The following BICRA variants were observed in gnomAD, a reference collection of about 807,000 sequenced individuals.
BICRA encodes the protein BRD4 interacting chromatin remodeling complex associated protein.
In BICRA, 31 loss-of-function variants were observed where a neutral mutation model predicts 96.9. The observed-to-expected ratio is 0.32, with a 90% CI of 0.24 to 0.43. BICRA has a LOEUF of 0.43. Among genes scored for constraint, BICRA ranks in the 20% least tolerant of loss-of-function variants. The probability of loss-of-function intolerance (pLI) is 1.00; values close to 1 mark genes in which losing one functional copy is unlikely to be tolerated. For missense variants in BICRA, 2,283 were observed against 2,190.3 expected (o/e 1.04, Z -0.84); for synonymous variants, 1,350 against 1,071.8 (o/e 1.26, Z -5.07).
chr19:47,694,561 C>T lies in BICRA; in HGVS notation c.2730C>T (p.Phe910=). 6.2e-7 allele frequency: 1 copy of T among 1,609,590 alleles called. No individual in the cohort carries two copies. The highest frequency in any genetic ancestry group is 8.5e-7 in the Non-Finnish European group (1 of 1,177,934). Residue 910 remains phenylalanine, a synonymous_variant, in exon 8 of 15, where the codon TTC becomes TTT. Transcript: ENST00000594866. ...APTPSDFQLQ[F]PPSQGPHKSP... Reference sequence around the variant, plus strand: ...CGCCATCCGACTTCCAGCTCCAGTTCCCACCCAGCCAGGGGCCCCACAAGT... The same window carrying T: ...CGCCATCCGACTTCCAGCTCCAGTTTCCACCCAGCCAGGGGCCCCACAAGT...
Position 47,696,505 on chromosome 19 carries a change from G to T in BICRA, c.3241G>T (p.Glu1081Ter). The T allele has an allele frequency of 6.2e-7, 1 of 1,602,614 alleles. No individual in the cohort carries two copies. The highest frequency in any genetic ancestry group is 2.3e-5 in the East Asian group (1 of 44,376). ...KKPPTLQPSKEACFLEHLHKH... is the reference protein window; with the variant it reads ...KKPPTLQPSK ...GCCCCCCACGCTTCAGCCCAGCAAG[G>T]AAGCCTGGTGAGTCCACACCCCATC... The change falls in exon 11 of 15, where the codon GAA becomes TAA. Residue 1081 changes from glutamate to a stop codon, truncating the protein, a stop_gained. Transcript: ENST00000594866. LOFTEE classifies it high-confidence loss of function.
In BICRA at chr19:47,675,788, T is replaced by C. The variant is rs1016168367; in HGVS notation, c.85-63T>C. On this transcript the variant is annotated intron_variant, in intron 4 of 14. Transcript: ENST00000594866. This position sits in a 1 kb window ranked among gnomAD's most constrained non-coding sequence, Gnocchi z 4.7. ...TCCTGAGTGACCCTAAATTGGTTTCTGCTCCAGAGCATGGGCCTGCCCTGC... is the reference window on the plus strand; with the variant it reads ...TCCTGAGTGACCCTAAATTGGTTTCCGCTCCAGAGCATGGGCCTGCCCTGC... 2.2e-5 allele frequency: 29 copies of C among 1,329,950 alleles called. No homozygotes were observed. The Admixed American group carries it at 5.5e-4, about 25-fold the overall frequency. The allele number at this position is 1,329,950 out of a possible 1,614,324, so 82.4% of individuals were successfully genotyped here.
intron 1 of BICRA, among the ~76,000 whole-genome samples, chr19:47,629,775 A>C (rs1972193925): frequency 6.6e-6 from 1 of 152,098 alleles, no homozygotes; most frequent in Admixed American, 6.5e-5. Flanking sequence ...CCTCTGCCTC[A>C]GCTTCCTGAG....
Position 47,695,009 on chromosome 19 carries a change from G to C in BICRA, c.3005G>C (p.Ser1002Thr), listed in dbSNP as rs753881518. 287 of 1,529,244 alleles carry C rather than the reference G, an allele frequency of 1.9e-4. No individual in the cohort carries two copies. The highest frequency in any genetic ancestry group is 2.4e-4 in the Non-Finnish European group (279 of 1,149,256). 94.7% of individuals were successfully genotyped at this position (1,529,244 alleles called of 1,614,324 possible). Residue 1002 changes from serine (S) to threonine (T), a missense_variant, in exon 9 of 15, where the codon AGT becomes ACT. Transcript: ENST00000594866. ...LTSPAASVLV[S>T]GQAPSGTPTA... ...AGCCCCGCTGCGTCTGTGCTGGTCA[G>C]TGGGCAGGCCCCATCTGGGACCCCC...
At chr19:47,643,114 C>T (rs772105119) in intron 1 of BICRA, among the ~76,000 whole-genome samples, 35 of 152,320 alleles carry the variant, frequency 2.3e-4, no homozygotes, top group Non-Finnish European at 4.6e-4. Context: ...AGATTACAGG[C>T]GCCCTCCACC....
intron 7 of BICRA, among the ~76,000 whole-genome samples, chr19:47,683,868 G>T (rs758970508): frequency 5.3e-5 from 8 of 152,284 alleles, no homozygotes; most frequent in Middle Eastern, 3.4e-3. Context: ...ATAGGCGTGA[G>T]CCACCGCACC....
rs116452642 is a variant in BICRA at position 47,671,189 on chromosome 19, C to T, written c.-6+645C>T. On this transcript the variant is annotated intron_variant, in intron 2 of 14. Coordinates refer to ENST00000594866, the MANE Select transcript of BICRA (RefSeq NM_001394372.1). ...TATGCCCCAGCCCACTGTGGGGGGTCCCTGGTCAGGGCTCTTCATAATGTC... is the reference window on the plus strand; with the variant it reads ...TATGCCCCAGCCCACTGTGGGGGGTTCCTGGTCAGGGCTCTTCATAATGTC... 6.5e-3 allele frequency among the ~76,000 whole-genome samples: 987 copies of T among 152,312 alleles called. 6 individuals carry two copies. The highest frequency in any genetic ancestry group is 0.022 in the African/African-American group (935 of 41,556).
intron 1 of BICRA, among the ~76,000 whole-genome samples, chr19:47,650,838 G>A (rs899761289): frequency 6.6e-6 from 1 of 152,172 alleles, no homozygotes; most frequent in African/African-American, 2.4e-5. Context: ...GAGCATGTGT[G>A]AGGGCTTGTG....
intron 11 of BICRA, 121 bp downstream of exon 11, chr19:47,696,633 T>C: frequency 1.2e-6 from 1 of 833,404 alleles, no homozygotes. Context: ...GCTCCACCTC[T>C]TGGTAGCGAT....
At chr19:47,630,163 T>TC (rs1158656697) in intron 1 of BICRA, among the ~76,000 whole-genome samples, 1 of 144,296 alleles carries the variant, frequency 6.9e-6, no homozygotes, top group East Asian at 2.0e-4. Context: ...CCAATTCTTT[T>TC]TTTTTTTTTT....
chr19:47,703,258 A>C lies in BICRA; in HGVS notation c.*843A>C, dbSNP rs1419964340. The C allele has an allele frequency of 6.6e-6, 1 of 152,288 alleles. No homozygotes were observed. The highest frequency in any genetic ancestry group is 1.5e-5 in the Non-Finnish European group (1 of 67,996). 9.4% of individuals were successfully genotyped at this position (152,288 alleles called of 1,614,324 possible). ...TAGAACTCTTGTAAATTAAAAACCG[A>C]TCCTTTTTTTAAAACTGTACTCATG... On this transcript the variant is annotated 3_prime_UTR_variant, in exon 15 of 15. Transcript: ENST00000594866.
intron 1 of BICRA, among the ~76,000 whole-genome samples, chr19:47,640,080 C>G (rs1010737244): frequency 6.6e-6 from 1 of 152,228 alleles, no homozygotes; most frequent in Non-Finnish European, 1.5e-5. Context: ...GTTAGCTTCA[C>G]TCTGTCATAA....
At chr19:47,653,337 T>TC (rs1050293379) in intron 1 of BICRA, among the ~76,000 whole-genome samples, 8 of 151,664 alleles carry the variant, frequency 5.3e-5, no homozygotes, top group Admixed American at 2.0e-4. Flanking sequence ...TCTATTTTTT[T>TC]TTTTTTCAAG....
chr19:47,666,144 C>G (rs1465238643), intron 1 of BICRA, among the ~76,000 whole-genome samples: 2 of 152,168 alleles, frequency 1.3e-5, no homozygotes, highest in African/African-American at 4.8e-5. Context: ...GGATAAGTAA[C>G]TTGTCTTAGG....
At chr19:47,626,965 G>A (rs1040116174) in intron 1 of BICRA, among the ~76,000 whole-genome samples, 1 of 151,896 alleles carries the variant, frequency 6.6e-6, no homozygotes, top group Non-Finnish European at 1.5e-5. Context: ...CAAGTGATCC[G>A]CCCGTCTTGG....
At chr19:47,644,152 A>G (rs1222193334) in intron 1 of BICRA, among the ~76,000 whole-genome samples, 1 of 151,352 alleles carries the variant, frequency 6.6e-6, no homozygotes, top group Non-Finnish European at 1.5e-5. Context: ...CCAAGTGGCT[A>G]GGACTACAGG....
chr19:47,622,197 C>T (rs1972074827), intron 1 of BICRA, among the ~76,000 whole-genome samples: 1 of 151,456 alleles, frequency 6.6e-6, no homozygotes, highest in Non-Finnish European at 1.5e-5. Context: ...AACTCCTCAC[C>T]TTGTGATCTG....
chr19:47,638,924 G>A (rs1275324204), intron 1 of BICRA, among the ~76,000 whole-genome samples: 1 of 152,006 alleles, frequency 6.6e-6, no homozygotes, highest in Admixed American at 6.6e-5. Context: ...CAAAGTTCTG[G>A]TATTATAGGC....
Position 47,640,895 on chromosome 19 carries a change from AT to A in BICRA, c.-107-29526del, listed in dbSNP as rs35232398. ...CTGGGTAGTCTGGAGTCAGAGTCAG[AT>A]TTTTTTTTTTTTTTTTTTTTTGAGA... On this transcript the variant is annotated intron_variant, in intron 1 of 14. Coordinates refer to ENST00000594866, the MANE Select transcript of BICRA (RefSeq NM_001394372.1). 4.5e-3 allele frequency among the ~76,000 whole-genome samples: 430 copies of A among 95,218 alleles called. 1 individual carries two copies. The highest frequency in any genetic ancestry group is 5.1e-3 in the Non-Finnish European group (261 of 51,422). 62.5% of individuals were successfully genotyped at this position (95,218 alleles called of 152,430 possible).
Sources: allele counts gnomAD v4.1 joint callset (sites outside exome capture counted in the v4.1 genomes callset), GRCh38; gene constraint gnomAD v4.1.1; non-coding constraint Gnocchi (gnomAD v3.1); transcripts MANE v1.5; gene names NCBI Gene and HGNC (gene_info 2026-07-23, HGNC 2026-07-21).